The following ACACA variants were observed in gnomAD, a reference collection of about 807,000 sequenced individuals.
ACACA encodes the protein acetyl-CoA carboxylase 1.
Under a neutral mutation model 296.1 loss-of-function variants are expected in ACACA, and 103 were observed. The observed-to-expected ratio is 0.35, with a 90% CI of 0.30 to 0.41. The LOEUF (loss-of-function observed/expected upper bound fraction) is 0.41, where lower values mean the gene tolerates loss of function less well. Ranked by LOEUF, ACACA falls within the 10% of genes least tolerant of loss-of-function variation. The pLI, the probability that ACACA is intolerant of heterozygous loss-of-function variation, is 1.00. For missense variants in ACACA, 1,554 were observed against 2,989.7 expected (o/e 0.52, Z 11.20); for synonymous variants, 953 against 1,038.6 (o/e 0.92, Z 1.58).
At chr17:37,089,114 G>C (rs2072432228) in intron 54 of ACACA, 40 bp from the exon 55 acceptor site, 1 of 1,613,830 alleles carries the variant, frequency 6.2e-7, no homozygotes. Context: ...CAGGGGTCAG[G>C]CCAGGCCGGG....
chr17:37,299,809 T>C, intron 3 of ACACA: 1 of 992,360 alleles, frequency 1.0e-6, no homozygotes, highest in Non-Finnish European at 1.2e-6. Flanking sequence ...AAAGACCAAA[T>C]TTACAAGGAC....
chr17:37,299,775 C>T (rs756632028), intron 3 of ACACA: 9 of 996,872 alleles, frequency 9.0e-6, no homozygotes, highest in Non-Finnish European at 9.6e-6. Flanking sequence ...GCCAGGAGCA[C>T]ATGACAGGGA....
intron 43 of ACACA, 53 bp from the exon 44 acceptor site, chr17:37,151,474 C>T: frequency 6.2e-7 from 1 of 1,605,772 alleles, no homozygotes; most frequent in Non-Finnish European, 8.5e-7. Context: ...TAACAACAAG[C>T]CATTAAAAGA....
rs545789917 is a variant in ACACA, at chr17:37,297,293, T to C, written c.339-12323A>G. 6.6e-5 allele frequency among the ~76,000 whole-genome samples: 10 copies of C among 150,802 alleles called. No individual in the cohort carries two copies. In the South Asian group the frequency reaches 2.1e-3, roughly 32 times the overall value. On this transcript the variant is annotated intron_variant, in intron 3 of 55. Coordinates refer to ENST00000616317, the MANE Select transcript of ACACA (RefSeq NM_198834.3). ...CCCATCTCTACTAAAAATACAAAAT[T>C]AGCGGGGCATAGTGGTGCATGCCTG... is the stretch of plus-strand genomic sequence containing the variant.
intron 46 of ACACA, 120 bp from the exon 47 acceptor site, chr17:37,129,605 C>T (rs2074992094): frequency 1.5e-6 from 2 of 1,327,658 alleles, no homozygotes; most frequent in African/African-American, 1.4e-5. Flanking sequence ...ACCCAATAGT[C>T]CCAATCTTCA....
At chr17:37,381,746 G>A (rs866249393) in intron 1 of ACACA, among the ~76,000 whole-genome samples, 7 of 150,006 alleles carry the variant, frequency 4.7e-5, no homozygotes, top group African/African-American at 1.7e-4. Flanking sequence ...TCCTGCCTCA[G>A]CCTCCCGAGT....
At chr17:37,262,541 A>T (rs2081563698) in intron 11 of ACACA, among the ~76,000 whole-genome samples, 1 of 152,122 alleles carries the variant, frequency 6.6e-6, no homozygotes, top group African/African-American at 2.4e-5. Flanking sequence ...ATTCAATTCT[A>T]CCATTGTAGT....
chr17:37,280,342 G>A (rs1026907301), intron 5 of ACACA, among the ~76,000 whole-genome samples: 4 of 152,110 alleles, frequency 2.6e-5, no homozygotes, highest in Admixed American at 6.5e-5. Flanking sequence ...CGGAGTAGCT[G>A]AGACTACCGG....
intron 1 of ACACA, among the ~76,000 whole-genome samples, chr17:37,356,670 GC>G (rs1292471413): frequency 2.6e-5 from 4 of 152,148 alleles, no homozygotes; most frequent in African/African-American, 9.6e-5. Context: ...GAGCCACCGC[GC>G]CCGGCAGCTT....
Position 37,398,646 on chromosome 17 carries a change from C to T in ACACA, c.38+7616G>A, listed in dbSNP as rs1400808029. Among the ~76,000 whole-genome samples the T allele has an allele frequency of 3.2e-5, 2 of 62,714 alleles. 1 individual carries two copies. Among genetic ancestry groups the T allele is most frequent in the Non-Finnish European group, 5.3e-5 (2 of 37,412 alleles). 41.1% of individuals were successfully genotyped at this position (62,714 alleles called of 152,430 possible). The stretch of plus-strand genomic sequence containing the variant: ...TTGCCCAGGCTGGAGTGCAGTGACA[C>T]GATCTCAGCTCACCGCAACCTCAGT... On this transcript the variant is annotated intron_variant, in intron 1 of 55. Coordinates refer to ENST00000616317, the MANE Select transcript of ACACA (RefSeq NM_198834.3).
intron 1 of ACACA, among the ~76,000 whole-genome samples, chr17:37,402,139 A>G (rs1222432322): frequency 6.6e-6 from 1 of 152,198 alleles, no homozygotes; most frequent in Non-Finnish European, 1.5e-5. Context: ...AAAGAGGACA[A>G]AAGGTGTTTT....
rs1339993277 is a variant in ACACA at position 37,159,313 on chromosome 17, G to A, written c.5349+2468C>T. Among the ~76,000 whole-genome samples the A allele has an allele frequency of 2.6e-5, 4 of 151,904 alleles. 1 individual carries two copies. The highest frequency in any genetic ancestry group is 9.7e-5 in the African/African-American group (4 of 41,314). On this transcript the variant is annotated intron_variant, in intron 42 of 55. Transcript: ENST00000616317. The stretch of plus-strand genomic sequence containing the variant: ...TGGCTCACTGCAACCTCCACCTCCC[G>A]CATTCAAGCAATTCTCATGCCTCTC...
At chr17:37,359,388 C>G (rs906625586) in intron 1 of ACACA, among the ~76,000 whole-genome samples, 1 of 151,704 alleles carries the variant, frequency 6.6e-6, no homozygotes, top group African/African-American at 2.4e-5. Context: ...ATCTGCCATT[C>G]GGGGCCCAGC....
At chr17:37,209,604 C>T (rs969131556) in intron 30 of ACACA, among the ~76,000 whole-genome samples, 15 of 152,212 alleles carry the variant, frequency 9.9e-5, no homozygotes, top group African/African-American at 3.6e-4. Flanking sequence ...TTCCTCTCCA[C>T]ATCCAAATTG....
In ACACA at chr17:37,381,809, G is replaced by C. The variant is rs866632437; in HGVS notation, c.38+24453C>G. Among the ~76,000 whole-genome samples the C allele has an allele frequency of 2.6e-5, 4 of 151,208 alleles. No homozygotes were observed. The East Asian group carries it at 7.9e-4, about 30-fold the overall frequency. On this transcript the variant is annotated intron_variant, in intron 1 of 55. Transcript: ENST00000616317. Reference sequence around the variant, plus strand: ...CACCCAGTTAATTTTTTGTATTTTTGGTAGAGATGGGGTTTCACCGTGTTG... The same window carrying C: ...CACCCAGTTAATTTTTTGTATTTTTCGTAGAGATGGGGTTTCACCGTGTTG...
chr17:37,154,749 A>T (rs771426049), intron 43 of ACACA, among the ~76,000 whole-genome samples: 12 of 152,208 alleles, frequency 7.9e-5, no homozygotes, highest in Non-Finnish European at 1.3e-4. Flanking sequence ...TGCCTGCCTC[A>T]GCCTCCCAAA....
intron 10 of ACACA, among the ~76,000 whole-genome samples, chr17:37,268,745 A>AGATATATATATATATATATATC (rs2081927461): frequency 1.8e-5 from 2 of 113,002 alleles, no homozygotes; most frequent in Non-Finnish European, 1.9e-5. Flanking sequence ...ATCTATCTAT[A>AGATATATATATATATATATATC]TATATATATA....
intron 42 of ACACA, 120 bp downstream of exon 42, chr17:37,161,661 T>C (rs543311419): frequency 8.3e-7 from 1 of 1,200,632 alleles, no homozygotes; most frequent in African/African-American, 1.5e-5. Flanking sequence ...ATTTTGTTTA[T>C]ATTTAATTTT....
intron 10 of ACACA, among the ~76,000 whole-genome samples, chr17:37,265,720 G>C (rs1027071210): frequency 2.0e-5 from 3 of 152,070 alleles, no homozygotes; most frequent in African/African-American, 7.2e-5. Context: ...ATTTTGTTTT[G>C]TTTTGTTTTG....
Sources: allele counts gnomAD v4.1 joint callset (sites outside exome capture counted in the v4.1 genomes callset), GRCh38; gene constraint gnomAD v4.1.1; transcripts MANE v1.5; gene names NCBI Gene and HGNC (gene_info 2026-07-23, HGNC 2026-07-21).